The following SLC22A13 variants were observed in gnomAD, a reference collection of about 807,000 sequenced individuals.
SLC22A13 encodes solute carrier family 22 member 13, also known as organic anion transporter 10.
In SLC22A13, 42 loss-of-function variants were observed where a neutral mutation model predicts 49.1. That is an observed-to-expected ratio of 0.85 (90% CI 0.67 to 1.11). The LOEUF (loss-of-function observed/expected upper bound fraction) is 1.11. SLC22A13 is among the 50% of genes least tolerant of loss of function. The probability of loss-of-function intolerance (pLI) is 0.00; values close to 1 mark genes in which losing one functional copy is unlikely to be tolerated. For missense variants in SLC22A13, 694 were observed against 712.8 expected (o/e 0.97, Z 0.30); for synonymous variants, 282 against 293.1 (o/e 0.96, Z 0.39).
At chr3:38,274,794 G>C (rs767017115) in intron 3 of SLC22A13, 36 bp downstream of exon 3, 1 of 1,594,206 alleles carries the variant, frequency 6.3e-7, no homozygotes, top group East Asian at 2.2e-5. Context: ...CAGCCATAGG[G>C]TGAGGCCCAG....
At position 38,276,001 on chromosome 3, in the gene SLC22A13, T is replaced by A. The variant is rs1304332871; in HGVS notation, c.1142T>A (p.Ile381Asn). Reference protein sequence around the residue: ...AVEVPARCSSIFMMQRFGRKW... With the variant: ...AVEVPARCSSNFMMQRFGRKW... Reference sequence around the variant, plus strand: ...GAGGTGCCTGCCCGCTGTTCCAGCATCTTCATGATGCAGAGGTTTGGCCGC... The same window carrying A: ...GAGGTGCCTGCCCGCTGTTCCAGCAACTTCATGATGCAGAGGTTTGGCCGC... Residue 381 changes from isoleucine (I) to asparagine (N), a missense_variant, in exon 7 of 10, where the codon ATC (isoleucine) becomes AAC (asparagine). Coordinates refer to ENST00000311856, the MANE Select transcript of SLC22A13 (RefSeq NM_004256.4). The A allele has an allele frequency of 6.2e-7, 1 of 1,614,108 alleles. No homozygotes were observed. The highest frequency in any genetic ancestry group is 8.5e-7 in the Non-Finnish European group (1 of 1,180,036).
chr3:38,272,390 C>T (rs1703532129), intron 1 of SLC22A13, among the ~76,000 whole-genome samples: 1 of 152,188 alleles, frequency 6.6e-6, no homozygotes, highest in South Asian at 2.1e-4. Context: ...AATGTTAGTT[C>T]CTTTCATTAT....
chr3:38,277,022 G>T lies in SLC22A13; in HGVS notation c.1457G>T (p.Gly486Val). 6.2e-7 allele frequency: 1 copy of T among 1,607,924 alleles called. No individual in the cohort carries two copies. Among genetic ancestry groups the T allele is most frequent in the Non-Finnish European group, 8.5e-7 (1 of 1,177,388 alleles). ...YHAALPMLIY[G>V]SLPIVAGLLC... ...GCTGCCCTCCCCATGCTCATCTACG[G>T]CAGCCTCCCCATCGTGGCCGGCCTG... Residue 486 changes from glycine to valine, a missense_variant, in exon 9 of 10, where the codon GGC becomes GTC. Physicochemically the swap from Gly to Val is moderately radical, Grantham distance 109. Transcript: ENST00000311856.
rs143178754 is a variant in SLC22A13, at chr3:38,268,994, T to C, written c.378+2756T>C. Reference sequence around the variant, plus strand: ...AAAAACAGCATTAAGATGTCCCATGTTACTCTCGAGGGGAACCAAGGAGCA... The same window carrying C: ...AAAAACAGCATTAAGATGTCCCATGCTACTCTCGAGGGGAACCAAGGAGCA... On this transcript the variant is annotated intron_variant, in intron 1 of 9. Transcript: ENST00000311856. Among the ~76,000 whole-genome samples the C allele has an allele frequency of 1.4e-3, 207 of 152,292 alleles. 1 individual carries two copies. The highest frequency in any genetic ancestry group is 3.1e-3 in the South Asian group (15 of 4,824).
rs531238001 is a variant in SLC22A13, at chr3:38,275,228, C to T, written c.806+71C>T. On this transcript the variant is annotated intron_variant, in intron 4 of 9. Transcript: ENST00000311856. ...GTTGTGGTGGGGTTGCAGTGCAGCA[C>T]CCATGTTCATAGGACAGTCAGAGGT... 3.8e-5 allele frequency: 61 copies of T among 1,594,452 alleles called. No individual in the cohort carries two copies. The East Asian group carries it at 8.1e-4, about 21-fold the overall frequency.
chr3:38,271,094 C>G (rs980038700), intron 1 of SLC22A13, among the ~76,000 whole-genome samples: 1 of 152,216 alleles, frequency 6.6e-6, no homozygotes, highest in African/African-American at 2.4e-5. Flanking sequence ...AGGACCCTCT[C>G]TGAGCTGACA....
intron 1 of SLC22A13, among the ~76,000 whole-genome samples, chr3:38,270,052 AT>A (rs1703504095): frequency 6.6e-6 from 1 of 151,904 alleles, no homozygotes; most frequent in Admixed American, 6.6e-5. Flanking sequence ...TGAACTCCTC[AT>A]TTTTTATGGC....
Position 38,274,650 on chromosome 3 carries a change from C to G in SLC22A13, c.529C>G (p.Leu177Val). Reference protein sequence around the residue: ...TILAQLLLFTLIGLATAFVPS... With the variant: ...TILAQLLLFTVIGLATAFVPS... ...CCTGGCGCAGCTGCTCCTCTTCACC[C>G]TCATCGGCCTGGCCACAGCTTTTGT... Residue 177 changes from leucine (L) to valine (V), a missense_variant, in exon 3 of 10, where the codon CTC becomes GTC. Leu to Val is a conservative substitution (Grantham distance 32). Transcript: ENST00000311856. The G allele has an allele frequency of 1.2e-6, 2 of 1,614,176 alleles. No homozygotes were observed. The highest frequency in any genetic ancestry group is 1.7e-6 in the Non-Finnish European group (2 of 1,180,040).
chr3:38,268,941 A>G (rs1703490159), intron 1 of SLC22A13, among the ~76,000 whole-genome samples: 1 of 152,068 alleles, frequency 6.6e-6, no homozygotes, highest in Non-Finnish European at 1.5e-5. Context: ...AAACACCCGC[A>G]AAACAAACAA....
Position 38,276,338 on chromosome 3 carries a change from C to G in SLC22A13, c.1289C>G (p.Ala430Gly). Residue 430 changes from alanine (A) to glycine (G), a missense_variant, in exon 8 of 10, where the codon GCT becomes GGT. Coordinates refer to ENST00000311856, the MANE Select transcript of SLC22A13 (RefSeq NM_004256.4). ...GCTGTGGTGGGGAAGATGGCCACAG[C>G]TGCTGCCTTTACCATCTCCTATGTG... is the stretch of plus-strand genomic sequence containing the variant. ...MLAVVGKMAT[A>G]AAFTISYVYS... 6.2e-7 allele frequency: 1 copy of G among 1,613,910 alleles called. No homozygotes were observed. The highest frequency in any genetic ancestry group is 8.5e-7 in the Non-Finnish European group (1 of 1,179,908).
At chr3:38,273,538 A>G (rs1453591309) in intron 1 of SLC22A13, among the ~76,000 whole-genome samples, 2 of 152,176 alleles carry the variant, frequency 1.3e-5, no homozygotes, top group Admixed American at 1.3e-4. Context: ...GTAGAAAAAC[A>G]TGGAGAGACC....
At chr3:38,266,401 C>T (rs550181316) in intron 1 of SLC22A13, among the ~76,000 whole-genome samples, 163 bp downstream of exon 1, 5 of 152,322 alleles carry the variant, frequency 3.3e-5, no homozygotes, top group African/African-American at 1.2e-4. Flanking sequence ...TCCTCTTTGT[C>T]CTCTGCCTAT....
chr3:38,267,249 A>C (rs1575388027), intron 1 of SLC22A13, among the ~76,000 whole-genome samples: 1 of 152,156 alleles, frequency 6.6e-6, no homozygotes, highest in African/African-American at 2.4e-5. Context: ...TGACCATAAA[A>C]CTGCTCCCAG....
Position 38,273,275 on chromosome 3 carries a change from TCTC to T in SLC22A13, c.379-993_379-991del, listed in dbSNP as rs200186551. On this transcript the variant is annotated intron_variant, in intron 1 of 9. Transcript: ENST00000311856. ...CAGAGTGGTATGGACCCAAATATCTTCTCCTCTTGGTTTCTCAGGCTGTGGGAT... is the reference window on the plus strand; with the variant it reads ...CAGAGTGGTATGGACCCAAATATCTTCTCTTGGTTTCTCAGGCTGTGGGAT... 9.2e-5 allele frequency among the ~76,000 whole-genome samples: 14 copies of T among 152,226 alleles called. No homozygotes were observed. In the East Asian group the frequency reaches 2.7e-3, roughly 29 times the overall value.
intron 6 of SLC22A13, 102 bp from the exon 7 acceptor site, chr3:38,275,780 T>C: frequency 6.8e-7 from 1 of 1,473,340 alleles, no homozygotes; most frequent in Non-Finnish European, 9.4e-7. Flanking sequence ...CTCTCCCTGG[T>C]TGTGCCAGTG....
rs1321032680 is a variant in SLC22A13 at position 38,274,319 on chromosome 3, A to C, written c.426A>C (p.Ser142=). 6 of 1,614,170 alleles carry C rather than the reference A, an allele frequency of 3.7e-6. No individual in the cohort carries two copies. Among genetic ancestry groups the C allele is most frequent in the Admixed American group, 1.7e-5 (1 of 60,034 alleles). Residue 142 remains serine, a synonymous_variant, in exon 2 of 10, where the codon TCA becomes TCC. Transcript: ENST00000311856. ...AGCACCTGAAGGACACCACACAGTC[A>C]GTGTTCATGGCTGGGCTCCTTGTTG... ...DRKHLKDTTQ[S]VFMAGLLVGT... is the part of the protein sequence containing the mutation.
Position 38,278,590 on chromosome 3 carries a change from C to T in SLC22A13, c.*1125C>T, listed in dbSNP as rs547450946. Among the ~76,000 whole-genome samples, 28 of 152,042 alleles carry T rather than the reference C, an allele frequency of 1.8e-4. No homozygotes were observed. The highest frequency in any genetic ancestry group is 6.6e-4 in the Admixed American group (10 of 15,258). On this transcript the variant is annotated 3_prime_UTR_variant, in exon 10 of 10. Transcript: ENST00000311856. Reference sequence around the variant, plus strand: ...ATCCCAGCACTTTGGGAGGCTGAGGCGGGCGGATTACCTGAGGTCAGGAAT... The same window carrying T: ...ATCCCAGCACTTTGGGAGGCTGAGGTGGGCGGATTACCTGAGGTCAGGAAT...
intron 8 of SLC22A13, 144 bp from the exon 9 acceptor site, chr3:38,276,768 G>C (rs1703589192): frequency 2.8e-6 from 2 of 705,268 alleles, no homozygotes; most frequent in South Asian, 1.8e-5. Flanking sequence ...CAGGAGCAGA[G>C]AGCAGGAACG....
Position 38,274,365 on chromosome 3 carries a change from C to G in SLC22A13, c.472C>G (p.Leu158Val), listed in dbSNP as rs1368971545. 5 of 1,613,878 alleles carry G rather than the reference C, an allele frequency of 3.1e-6. No individual in the cohort carries two copies. Among genetic ancestry groups the G allele is most frequent in the Non-Finnish European group, 4.2e-6 (5 of 1,179,734 alleles). The change falls in exon 2 of 10, where the codon CTC becomes GTC. Residue 158 changes from leucine (L) to valine (V), a missense_variant. Leu to Val is a conservative substitution (Grantham distance 32). Transcript: ENST00000311856. ...TGTTGGCACCCTCATGTTTGGGCCC[C>G]TCTGCGACCGGTAAGAACCTTGCCC... ...LLVGTLMFGP[L>V]CDRIGRKATI...
Sources: gnomAD v4.1 joint callset for allele counts (sites outside exome capture counted in the v4.1 genomes callset) on GRCh38, gnomAD v4.1.1 for gene constraint, MANE v1.5 for transcripts, NCBI Gene and HGNC (gene_info 2026-07-23, HGNC 2026-07-21) for gene names.